The following LRCH3 variants were observed in gnomAD, a reference collection of about 807,000 sequenced individuals.
LRCH3 encodes leucine rich repeats and calponin homology domain containing 3.
LRCH3 carries 68 observed loss-of-function variants against 104.5 expected under a neutral mutation model. The observed-to-expected ratio is 0.65, with a 90% CI of 0.54 to 0.80. LRCH3 has a LOEUF of 0.80. LRCH3 is among the 30% of genes least tolerant of loss of function. LRCH3 has a pLI of 0.00. For missense variants in LRCH3, 951 were observed against 953.9 expected, an observed-to-expected ratio of 1.00 and a Z score of 0.04; for synonymous variants, 344 against 361.3, an observed-to-expected ratio of 0.95 and a Z score of 0.54.
At chr3:197,821,981 A>G (rs1379284979) in intron 4 of LRCH3, among the ~76,000 whole-genome samples, 5 of 152,224 alleles carry the variant, frequency 3.3e-5, no homozygotes, top group Admixed American at 2.6e-4. Context: ...GCCACAATAC[A>G]TGTTGAATTA....
chr3:197,838,132 T>TG (rs1243866907), intron 9 of LRCH3, among the ~76,000 whole-genome samples: 2 of 151,758 alleles, frequency 1.3e-5, no homozygotes, highest in African/African-American at 4.8e-5. Context: ...TTGTTTAAAG[T>TG]GGTGTAGCTT....
intron 9 of LRCH3, among the ~76,000 whole-genome samples, chr3:197,838,286 A>G (rs970221250): frequency 6.6e-6 from 1 of 152,322 alleles, no homozygotes; most frequent in Non-Finnish European, 1.5e-5. Context: ...TGGTGTCTTC[A>G]CTAAAATTAG....
At chr3:197,872,524 A>C (rs1406363683) in intron 19 of LRCH3, among the ~76,000 whole-genome samples, 1 of 152,148 alleles carries the variant, frequency 6.6e-6, no homozygotes, top group Non-Finnish European at 1.5e-5. Context: ...TGAGCCCAGG[A>C]GTTTGAGACC....
chr3:197,792,383 A>G (rs981005053), intron 1 of LRCH3, among the ~76,000 whole-genome samples: 6 of 150,480 alleles, frequency 4.0e-5, no homozygotes, highest in African/African-American at 1.2e-4. Flanking sequence ...AGGAAAGAGA[A>G]TAAGAAAGTA....
chr3:197,883,482 C>T lies in LRCH3; in HGVS notation c.2209-59C>T. On this transcript the variant is annotated intron_variant, in intron 20 of 20. Coordinates refer to ENST00000425562, the MANE Select transcript of LRCH3 (RefSeq NM_001365715.1). The surrounding 1 kb of genome is among the most constrained non-coding windows in gnomAD (Gnocchi z 4.2). ...AAGTGCTTATTTTTTCCTTTCAGTT[C>T]TATGATATTCATCCGATTTTCTTTT... is the stretch of plus-strand genomic sequence containing the variant. 2 of 1,508,048 alleles carry T rather than the reference C, an allele frequency of 1.3e-6. No homozygotes were observed. The highest frequency in any genetic ancestry group is 1.8e-6 in the Non-Finnish European group (2 of 1,129,984). The allele number at this position is 1,508,048 out of a possible 1,614,324, so 93.4% of individuals were successfully genotyped here.
intron 18 of LRCH3, 69 bp from the exon 19 acceptor site, chr3:197,871,256 A>G: frequency 1.7e-6 from 2 of 1,199,424 alleles, no homozygotes; most frequent in South Asian, 2.7e-5. Context: ...AGATTTCATT[A>G]TAACTCCCTT....
At chr3:197,865,770 T>G (rs1343321306) in intron 16 of LRCH3, among the ~76,000 whole-genome samples, 1 of 151,250 alleles carries the variant, frequency 6.6e-6, no homozygotes, top group African/African-American at 2.4e-5. Context: ...CCACTGGGTT[T>G]TTTTTTTTTT....
intron 4 of LRCH3, among the ~76,000 whole-genome samples, chr3:197,821,741 C>T (rs1734515385): frequency 1.3e-5 from 2 of 152,252 alleles, no homozygotes; most frequent in African/African-American, 4.8e-5. Flanking sequence ...GTGGCACGAA[C>T]ATGGCTCACT....
Position 197,880,191 on chromosome 3 carries a change from C to A in LRCH3, c.2209-3350C>A, listed in dbSNP as rs528456337. 1.4e-4 allele frequency among the ~76,000 whole-genome samples: 22 copies of A among 151,952 alleles called. 1 individual carries two copies. In the South Asian group the frequency reaches 4.2e-3, roughly 29 times the overall value. ...CGATCTCCTGACCTCGTGATCCACCCGCCTCGGCCTCCCAAAGTGCTGGGA... is the reference window on the plus strand; with the variant it reads ...CGATCTCCTGACCTCGTGATCCACCAGCCTCGGCCTCCCAAAGTGCTGGGA... On this transcript the variant is annotated intron_variant, in intron 20 of 20. Coordinates refer to ENST00000425562, the MANE Select transcript of LRCH3 (RefSeq NM_001365715.1).
rs890321142 is a variant in LRCH3 at position 197,835,752 on chromosome 3, A to G, written c.1181A>G (p.Lys394Arg). Residue 394 changes from lysine to arginine, a missense_variant, in exon 9 of 21, where the codon AAG becomes AGG. Physicochemically the swap from Lys to Arg is conservative, Grantham distance 26. Transcript: ENST00000425562. ...GAGGAGGCCGAGGTGAGACAGCCCA[A>G]GGGACCAGACCCAGACAGCCTTAGT... ...EEEEAEVRQP[K>R]GPDPDSLSSQ... 9.9e-6 allele frequency: 16 copies of G among 1,614,122 alleles called. No individual in the cohort carries two copies. Among genetic ancestry groups the G allele is most frequent in the African/African-American group, 5.3e-5 (4 of 75,036 alleles).
At chr3:197,874,691 CT>C (rs1712656383) in intron 19 of LRCH3, among the ~76,000 whole-genome samples, 1 of 151,586 alleles carries the variant, frequency 6.6e-6, no homozygotes, top group Non-Finnish European at 1.5e-5. Flanking sequence ...TAGTGTTACA[CT>C]GTTTTAAAAT....
chr3:197,852,551 G>A lies in LRCH3; in HGVS notation c.1531-10G>A, dbSNP rs1739752008. ...AACTTCCTTTTTTGGGGGGTTTTGG[G>A]ATTATACAGCAAAAAGCATCACAAA... On this transcript the variant is annotated splice_polypyrimidine_tract_variant and intron_variant, in intron 12 of 20. Transcript: ENST00000425562. 2 of 1,613,666 alleles carry A rather than the reference G, an allele frequency of 1.2e-6. No individual in the cohort carries two copies. Among genetic ancestry groups the A allele is most frequent in the African/African-American group, 1.3e-5 (1 of 74,860 alleles).
rs1167236886 is a variant in LRCH3, at chr3:197,875,695, C to T, written c.2131-3C>T. 4.6e-6 allele frequency: 7 copies of T among 1,533,254 alleles called. No individual in the cohort carries two copies. Among genetic ancestry groups the T allele is most frequent in the Non-Finnish European group, 6.1e-6 (7 of 1,145,768 alleles). 95.0% of individuals were successfully genotyped at this position (1,533,254 alleles called of 1,614,324 possible). A position where few individuals can be genotyped will look rare whatever the true frequency, so the allele number is the denominator to read the frequency against. On this transcript the variant is annotated splice_region_variant and splice_polypyrimidine_tract_variant and intron_variant, in intron 19 of 20. Coordinates refer to ENST00000425562, the MANE Select transcript of LRCH3 (RefSeq NM_001365715.1). ...GTAACACATTTTCTTTTCCTCATTT[C>T]AGCCTAAATTAACAATGGCGAAATG...
chr3:197,886,795 ACT>A lies in LRCH3; in HGVS notation c.*3132_*3133del, dbSNP rs1310016213. 2 of 132,806 alleles carry A rather than the reference ACT, an allele frequency of 1.5e-5. No individual in the cohort carries two copies. The highest frequency in any genetic ancestry group is 2.4e-4 in the South Asian group (1 of 4,132). 8.2% of individuals were successfully genotyped at this position (132,806 alleles called of 1,614,324 possible). On this transcript the variant is annotated 3_prime_UTR_variant, in exon 21 of 21. Transcript: ENST00000425562. ...ACTCCAGCCTGGGCAACAGAGCGAG[ACT>A]CTGTCTCAAAAAAAAAAAAAAAAAA...
intron 9 of LRCH3, among the ~76,000 whole-genome samples, chr3:197,836,763 T>C (rs1409156984): frequency 1.3e-5 from 2 of 152,248 alleles, no homozygotes; most frequent in African/African-American, 4.8e-5. Context: ...CTGCAGCCTC[T>C]GCCTCCCAGG....
At chr3:197,879,789 TCTC>T (rs1223370506) in intron 20 of LRCH3, among the ~76,000 whole-genome samples, 1 of 151,920 alleles carries the variant, frequency 6.6e-6, no homozygotes, top group Non-Finnish European at 1.5e-5. Flanking sequence ...AAAACGTCCG[TCTC>T]CTCAGCCTCT....
At chr3:197,824,098 T>G (rs1009647855) in intron 4 of LRCH3, among the ~76,000 whole-genome samples, 2 of 151,950 alleles carry the variant, frequency 1.3e-5, no homozygotes. Context: ...AGAGTCTTGC[T>G]CTGTCGCCCA....
At chr3:197,837,864 T>C (rs6784273) in intron 9 of LRCH3, among the ~76,000 whole-genome samples, 8,338 of 151,270 alleles carry the variant, frequency 0.055, 800 homozygotes, top group African/African-American at 0.19. Context: ...CTGGCCAACA[T>C]GAAGAAACGC....
chr3:197,836,026 C>G (rs139400163), intron 9 of LRCH3, among the ~76,000 whole-genome samples: 59 of 152,214 alleles, frequency 3.9e-4, no homozygotes, highest in African/African-American at 1.4e-3. Flanking sequence ...GTTTATTTTT[C>G]AAACAAGAAG....
Sources: gnomAD v4.1 joint callset for allele counts (sites outside exome capture counted in the v4.1 genomes callset) on GRCh38, gnomAD v4.1.1 for gene constraint, Gnocchi (gnomAD v3.1) non-coding constraint, MANE v1.5 for transcripts, NCBI Gene and HGNC (gene_info 2026-07-23, HGNC 2026-07-21) for gene names.